The following GPHN variants were observed in gnomAD, a reference collection of about 807,000 sequenced individuals.
GPHN encodes the protein gephyrin.
GPHN carries 17 observed loss-of-function variants against 95.5 expected under a neutral mutation model. The observed-to-expected ratio is 0.18, with a 90% CI of 0.12 to 0.27. The LOEUF (loss-of-function observed/expected upper bound fraction) is 0.27. GPHN is among the 10% of genes least tolerant of loss of function. GPHN has a pLI of 1.00. For synonymous variants in GPHN, 320 were observed against 322.5 expected, an observed-to-expected ratio of 0.99 and a Z score of 0.08; for missense variants, 660 against 978.1, an observed-to-expected ratio of 0.67 and a Z score of 4.34.
chr14:67,632,808 ATTTTTTTTT>A, the GPHN span, among the ~76,000 whole-genome samples: 24 of 62,410 alleles, frequency 3.8e-4, no homozygotes, highest in African/African-American at 1.3e-3. Context: ...AAGCCTCTTA[ATTTTTTTTT>A]TTTTTTTTTT....
chr14:67,600,137 A>T, the GPHN span: 1 of 1,594,922 alleles, frequency 6.3e-7, no homozygotes, highest in Non-Finnish European at 8.5e-7. Flanking sequence ...CAGGACGGGG[A>T]GTAGTAGCGG....
At chr14:67,635,025 G>C in the GPHN span, among the ~76,000 whole-genome samples, 1 of 152,072 alleles carries the variant, frequency 6.6e-6, no homozygotes, top group African/African-American at 2.4e-5. Context: ...AGGGTGGATC[G>C]CCTGAGGCCA....
At chr14:66,693,114 T>C (rs1000625922) in intron 2 of GPHN, among the ~76,000 whole-genome samples, 4 of 151,982 alleles carry the variant, frequency 2.6e-5, no homozygotes, top group African/African-American at 7.2e-5. Flanking sequence ...CCCAAAATAG[T>C]CAAAATATTA....
At chr14:66,609,575 C>A in intron 1 of GPHN, among the ~76,000 whole-genome samples, 1 of 151,980 alleles carries the variant, frequency 6.6e-6, no homozygotes, top group African/African-American at 2.4e-5. Context: ...CCAATGAATC[C>A]TAGGTTTGGT....
the GPHN span, chr14:67,390,859 A>G: frequency 1.3e-6 from 1 of 787,842 alleles, no homozygotes; most frequent in Non-Finnish European, 2.3e-6. Context: ...CAATGGGACT[A>G]CATTCTAAAA....
the GPHN span, chr14:67,615,636 C>G: frequency 1.8e-6 from 1 of 550,676 alleles, no homozygotes; most frequent in Non-Finnish European, 3.5e-6. Context: ...GGGGGAAGAC[C>G]ATGTCTGCTA....
intron 2 of GPHN, among the ~76,000 whole-genome samples, chr14:66,721,894 T>C (rs141007858): frequency 0.014 from 1,898 of 140,346 alleles, 23 homozygotes; most frequent in Non-Finnish European, 0.021. Context: ...GAGCTTGCAG[T>C]GAGCTGAGAT....
At chr14:67,724,214 C>A in the GPHN span, among the ~76,000 whole-genome samples, 1 of 152,188 alleles carries the variant, frequency 6.6e-6, no homozygotes, top group Non-Finnish European at 1.5e-5. Flanking sequence ...GCCCTGACTC[C>A]AGCATTTACT....
chr14:66,666,556 A>G (rs1179262568), intron 1 of GPHN, among the ~76,000 whole-genome samples: 2 of 152,144 alleles, frequency 1.3e-5, no homozygotes, highest in East Asian at 1.9e-4. Flanking sequence ...AGAGATTCAG[A>G]AAAGATTTTT....
chr14:66,914,216 T>C (rs2065804601), intron 5 of GPHN, among the ~76,000 whole-genome samples: 1 of 152,110 alleles, frequency 6.6e-6, no homozygotes, highest in Non-Finnish European at 1.5e-5. Context: ...CTAGAGCAAG[T>C]GAAGTATTAT....
At chr14:67,734,307 A>T in the GPHN span, 1 of 172,722 alleles carries the variant, frequency 5.8e-6, no homozygotes, top group African/African-American at 2.4e-5. Context: ...AGACCAACAC[A>T]CAAAGATCCT....
At position 66,761,440 on chromosome 14, in the gene GPHN, G is replaced by A. The variant is rs528756362; in HGVS notation, c.144-15024G>A. Among the ~76,000 whole-genome samples, 5 of 152,254 alleles carry A rather than the reference G, an allele frequency of 3.3e-5. 1 individual carries two copies. The South Asian group carries it at 1.0e-3, about 32-fold the overall frequency. ...AGAAACTAACAATTTGTATGACAGT[G>A]TCAAATATTATTTTGATTTTAGTAC... On this transcript the variant is annotated intron_variant, in intron 2 of 22. Coordinates refer to ENST00000478722, the MANE Select transcript of GPHN (RefSeq NM_020806.5).
the GPHN span, among the ~76,000 whole-genome samples, chr14:67,474,883 T>C: frequency 6.6e-6 from 1 of 151,702 alleles, no homozygotes; most frequent in Admixed American, 6.6e-5. Flanking sequence ...TTAAGGTTCA[T>C]CCATGTTGCA....
In GPHN at chr14:67,014,854, T is replaced by C. The variant is rs17103822; in HGVS notation, c.964-8779T>C. The stretch of plus-strand genomic sequence containing the variant: ...TCATATTTATGATCAACATTAACAT[T>C]TTCAGAACAAGCACCAAACCAAAAC... On this transcript the variant is annotated intron_variant, in intron 9 of 22. Transcript: ENST00000478722. 3.0e-3 allele frequency among the ~76,000 whole-genome samples: 455 copies of C among 152,276 alleles called. 3 individuals carry two copies. The highest frequency in any genetic ancestry group is 0.011 in the African/African-American group (437 of 41,546).
chr14:66,760,452 A>C (rs2058717364), intron 2 of GPHN: 1 of 175,146 alleles, frequency 5.7e-6, no homozygotes, highest in Non-Finnish European at 1.2e-5. Context: ...TATAATCTAT[A>C]AGTTTTTAAT....
intron 1 of GPHN, among the ~76,000 whole-genome samples, chr14:66,640,833 T>C (rs1461200514): frequency 6.6e-6 from 1 of 152,202 alleles, no homozygotes; most frequent in African/African-American, 2.4e-5. Flanking sequence ...GAGTTGACCT[T>C]GGGGATGTAT....
chr14:67,351,911 CA>C, the GPHN span, among the ~76,000 whole-genome samples: 154 of 127,804 alleles, frequency 1.2e-3, no homozygotes, highest in South Asian at 1.1e-3. Context: ...GAACCTCTAC[CA>C]AAAAAAAAAA....
At chr14:67,706,529 C>G in the GPHN span, among the ~76,000 whole-genome samples, 19,221 of 152,090 alleles carry the variant, frequency 0.13, 1,482 homozygotes, top group South Asian at 0.33. Flanking sequence ...AGGGACAGCT[C>G]GAAGCATGGA....
At chr14:67,665,320 G>A in the GPHN span, among the ~76,000 whole-genome samples, 10 of 141,504 alleles carry the variant, frequency 7.1e-5, no homozygotes, top group East Asian at 2.0e-4. Context: ...GCATGATTAC[G>A]GCTCACTGCA....
Sources: gnomAD v4.1 joint callset for allele counts (sites outside exome capture counted in the v4.1 genomes callset) on GRCh38, gnomAD v4.1.1 for gene constraint, MANE v1.5 for transcripts, NCBI Gene and HGNC (gene_info 2026-07-23, HGNC 2026-07-21) for gene names.